The following NRXN1 variants were observed in gnomAD, a reference collection of about 807,000 sequenced individuals.
NRXN1 encodes the protein neurexin 1.
NRXN1 carries 39 observed loss-of-function variants against 150.9 expected under a neutral mutation model. The ratio of observed to expected loss-of-function variants is 0.26; its 90% CI spans 0.20 to 0.34. NRXN1 has a LOEUF of 0.34. NRXN1 is among the 10% of genes least tolerant of loss of function. NRXN1 has a pLI of 1.00. For missense variants in NRXN1, 1,815 were observed against 1,949.9 expected (o/e 0.93, Z 1.30); for synonymous variants, 924 against 757.0 (o/e 1.22, Z -3.62).
At chr2:50,637,111 G>C (rs948661085) in intron 5 of NRXN1, among the ~76,000 whole-genome samples, 4 of 152,066 alleles carry the variant, frequency 2.6e-5, no homozygotes, top group African/African-American at 9.7e-5. Context: ...AAATGTAGCT[G>C]AGTCTGACTT....
intron 5 of NRXN1, among the ~76,000 whole-genome samples, chr2:50,689,911 A>C (rs1368988509): frequency 7.2e-6 from 1 of 138,042 alleles, no homozygotes; most frequent in South Asian, 2.3e-4. Flanking sequence ...TTTGAGACGG[A>C]GTCTCGCTCT....
At chr2:50,641,120 T>A (rs765008859) in intron 5 of NRXN1, among the ~76,000 whole-genome samples, 1 of 152,124 alleles carries the variant, frequency 6.6e-6, no homozygotes, top group Non-Finnish European at 1.5e-5. Context: ...TTTTCCTTCT[T>A]CTAATAGAAA....
intron 18 of NRXN1, among the ~76,000 whole-genome samples, chr2:50,183,389 A>T (rs768729040): frequency 1.3e-5 from 2 of 152,030 alleles, no homozygotes; most frequent in Admixed American, 6.6e-5. Flanking sequence ...TTCCCTTGCC[A>T]AAGAGACAGC....
chr2:50,481,261 T>A (rs1433976462), intron 15 of NRXN1, among the ~76,000 whole-genome samples: 1 of 152,184 alleles, frequency 6.6e-6, no homozygotes, highest in Non-Finnish European at 1.5e-5. Context: ...TTTGGAGAGT[T>A]GTGGCTAGTT....
chr2:50,714,990 C>T (rs1373408647), intron 5 of NRXN1, among the ~76,000 whole-genome samples: 5 of 151,830 alleles, frequency 3.3e-5, no homozygotes, highest in Admixed American at 2.0e-4. Context: ...AGAATGTGAC[C>T]CATAACATCC....
intron 5 of NRXN1, among the ~76,000 whole-genome samples, chr2:50,865,381 G>A (rs1468443175): frequency 6.6e-6 from 1 of 151,832 alleles, no homozygotes. Context: ...TAAAATTAGT[G>A]TGTGTCTCTG....
rs1015203315 is a variant in NRXN1 at position 50,753,894 on chromosome 2, G to T, written c.833-130279C>A. Among the ~76,000 whole-genome samples the T allele has an allele frequency of 4.2e-5, 6 of 141,412 alleles. No individual in the cohort carries two copies. The East Asian group carries it at 1.4e-3, about 32-fold the overall frequency. 92.8% of individuals were successfully genotyped at this position (141,412 alleles called of 152,430 possible). A position where few individuals can be genotyped will look rare whatever the true frequency, so the allele number is the denominator to read the frequency against. On this transcript the variant is annotated intron_variant, in intron 5 of 22. Transcript: ENST00000401669. ...AAACATAAATTGGTAAAACCAAAAG[G>T]AAGTCATTTAGCAGCTCATTATTTT...
intron 5 of NRXN1, among the ~76,000 whole-genome samples, chr2:50,875,459 T>G (rs1678433351): frequency 6.6e-6 from 1 of 151,650 alleles, no homozygotes; most frequent in Non-Finnish European, 1.5e-5. Flanking sequence ...ATTATTATTA[T>G]TATTACTATT....
At chr2:50,355,807 A>T (rs2078766232) in intron 17 of NRXN1, among the ~76,000 whole-genome samples, 1 of 152,196 alleles carries the variant, frequency 6.6e-6, no homozygotes, top group Admixed American at 6.5e-5. Flanking sequence ...AGAATAAATG[A>T]TGATCAAAGC....
intron 5 of NRXN1, among the ~76,000 whole-genome samples, chr2:50,904,324 C>G (rs2103991896): frequency 6.6e-6 from 1 of 152,218 alleles, no homozygotes; most frequent in East Asian, 1.9e-4. Context: ...TTCCTTGCAG[C>G]CCCACTCTCT....
intron 5 of NRXN1, among the ~76,000 whole-genome samples, chr2:50,911,255 T>C (rs1684475411): frequency 6.6e-6 from 1 of 151,946 alleles, no homozygotes; most frequent in Non-Finnish European, 1.5e-5. Context: ...GAGTAACACC[T>C]TGCTCTTGCA....
intron 17 of NRXN1, among the ~76,000 whole-genome samples, chr2:50,284,155 A>G (rs1321555907): frequency 2.0e-5 from 3 of 152,226 alleles, no homozygotes; most frequent in Non-Finnish European, 2.9e-5. Context: ...CTGACATAAC[A>G]CTGGTACAGT....
intron 12 of NRXN1, among the ~76,000 whole-genome samples, chr2:50,526,364 G>C (rs1199098142): frequency 1.3e-5 from 2 of 152,114 alleles, no homozygotes; most frequent in African/African-American, 4.8e-5. Context: ...AATTTTTAGA[G>C]ATAATGGTGT....
chr2:50,705,177 G>T (rs966376940), intron 5 of NRXN1, among the ~76,000 whole-genome samples: 1 of 151,812 alleles, frequency 6.6e-6, no homozygotes, highest in African/African-American at 2.4e-5. Flanking sequence ...TTTGACAAAT[G>T]TGTCTCAGTA....
chr2:50,913,771 G>C (rs1299864612), intron 5 of NRXN1, among the ~76,000 whole-genome samples: 1 of 151,838 alleles, frequency 6.6e-6, no homozygotes, highest in East Asian at 2.0e-4. Context: ...AACAGAAAGG[G>C]AGAACTGCAG....
At chr2:50,705,946 T>C (rs902674837) in intron 5 of NRXN1, among the ~76,000 whole-genome samples, 2 of 152,106 alleles carry the variant, frequency 1.3e-5, no homozygotes, top group Admixed American at 1.3e-4. Flanking sequence ...CAGTAAGTAG[T>C]ACAAAGAAAA....
rs191113246 is a variant in NRXN1 at position 50,557,599 on chromosome 2, G to A, written c.1321-4574C>T. Among the ~76,000 whole-genome samples the A allele has an allele frequency of 1.9e-3, 290 of 152,172 alleles. 2 individuals are homozygous for A. Among genetic ancestry groups the A allele is most frequent in the Non-Finnish European group, 2.5e-4 (17 of 68,002 alleles). ...AAGTCTCAAGAGTTTTATTCGTAAA[G>A]GACAATGGTATCTACCACATTAAGG... is the stretch of plus-strand genomic sequence containing the variant. On this transcript the variant is annotated intron_variant, in intron 8 of 22. Coordinates refer to ENST00000401669, the MANE Select transcript of NRXN1 (RefSeq NM_001330078.2).
intron 22 of NRXN1, among the ~76,000 whole-genome samples, chr2:49,934,797 C>G (rs919563551): frequency 6.6e-6 from 1 of 152,122 alleles, no homozygotes; most frequent in African/African-American, 2.4e-5. Flanking sequence ...CTCTCTCTCT[C>G]TCTTTTTGTT....
At chr2:50,382,254 C>T (rs1271236101) in intron 17 of NRXN1, among the ~76,000 whole-genome samples, 1 of 152,132 alleles carries the variant, frequency 6.6e-6, no homozygotes, top group Non-Finnish European at 1.5e-5. Flanking sequence ...TTTGTTGTTG[C>T]TCTGATACTT....
Sources: gnomAD v4.1 joint callset for allele counts (sites outside exome capture counted in the v4.1 genomes callset) on GRCh38, gnomAD v4.1.1 for gene constraint, MANE v1.5 for transcripts, NCBI Gene and HGNC (gene_info 2026-07-23, HGNC 2026-07-21) for gene names.